The following THSD7A variants were observed in gnomAD, a reference collection of about 807,000 sequenced individuals.
THSD7A encodes the protein thrombospondin type-1 domain-containing protein 7A.
In THSD7A, 96 loss-of-function variants were observed where a neutral mutation model predicts 231.3. The ratio of observed to expected loss-of-function variants is 0.41; its 90% CI spans 0.35 to 0.49. The LOEUF (loss-of-function observed/expected upper bound fraction) is 0.49, where lower values mean the gene tolerates loss of function less well. Among genes scored for constraint, THSD7A ranks in the 20% least tolerant of loss-of-function variants. THSD7A has a pLI of 0.05. For synonymous variants in THSD7A, 940 were observed against 743.3 expected (o/e 1.26, Z -4.30); for missense variants, 2,290 against 2,070.2 (o/e 1.11, Z -2.06).
At chr7:11,747,695 T>C (rs193165093) in intron 1 of THSD7A, among the ~76,000 whole-genome samples, 123 of 152,022 alleles carry the variant, frequency 8.1e-4, no homozygotes, top group African/African-American at 2.8e-3. Flanking sequence ...TGACAGTGCA[T>C]ATGTGCTGCT....
chr7:11,509,837 T>A (rs374596414), intron 6 of THSD7A, among the ~76,000 whole-genome samples: 1,699 of 56,294 alleles, frequency 0.03, 8 homozygotes, highest in Middle Eastern at 0.061. Flanking sequence ...AAAAAAAAAA[T>A]AACATCTGAA....
intron 4 of THSD7A, among the ~76,000 whole-genome samples, chr7:11,572,467 C>T (rs10230574): frequency 0.025 from 3,844 of 152,256 alleles, 165 homozygotes; most frequent in African/African-American, 0.086. Context: ...CATATGTTCA[C>T]TCCCCAAGAC....
At chr7:11,668,531 AAG>A (rs1401722117) in intron 1 of THSD7A, among the ~76,000 whole-genome samples, 1 of 137,470 alleles carries the variant, frequency 7.3e-6, no homozygotes, top group Non-Finnish European at 1.6e-5. Context: ...GAAAGACAGA[AAG>A]AAAGAAAGAG....
chr7:11,506,246 C>G (rs531048482), intron 6 of THSD7A, among the ~76,000 whole-genome samples: 2 of 152,280 alleles, frequency 1.3e-5, no homozygotes, highest in African/African-American at 4.8e-5. Flanking sequence ...CTGCCTCAAC[C>G]TCCTAAAATG....
rs187930824 is a variant in THSD7A, at chr7:11,639,537, C to T, written c.191-2576G>A. ...ACAAAAAATTAGCCAAGCGTGGTGG[C>T]GGGCGCTGTAGTCCTAGCTACTCGG... is the stretch of plus-strand genomic sequence containing the variant. On this transcript the variant is annotated intron_variant, in intron 1 of 27. Transcript: ENST00000423059. Among the ~76,000 whole-genome samples the T allele has an allele frequency of 3.6e-4, 54 of 152,038 alleles. 1 individual carries two copies. The South Asian group carries it at 6.7e-3, about 19-fold the overall frequency.
Position 11,634,041 on chromosome 7 carries a change from A to G in THSD7A, c.1022+2089T>C, listed in dbSNP as rs1781748575. Among the ~76,000 whole-genome samples the G allele has an allele frequency of 6.6e-6, 1 of 152,148 alleles. No homozygotes were observed. Among genetic ancestry groups the G allele is most frequent in the South Asian group, 2.1e-4 (1 of 4,828 alleles). On this transcript the variant is annotated intron_variant, in intron 2 of 27. Coordinates refer to ENST00000423059, the MANE Select transcript of THSD7A (RefSeq NM_015204.3). This position sits in a 1 kb window ranked among gnomAD's most constrained non-coding sequence, Gnocchi z 4.1. ...TTATTGGCTTCACTGATATCATGGT[A>G]TAATATCTGAGCAAAACGTAGGTCA...
chr7:11,710,385 A>G (rs1358315030), intron 1 of THSD7A, among the ~76,000 whole-genome samples: 1 of 150,996 alleles, frequency 6.6e-6, no homozygotes, highest in African/African-American at 2.4e-5. Flanking sequence ...TAGATTCCCA[A>G]TAACTCTGAT....
In THSD7A at chr7:11,814,239, T is replaced by C. The variant is rs1363075643; in HGVS notation, c.190+17518A>G. ...AGTCTGTGGATATGCTAAAAGCCATTGAATTGTATGCTTTAAATGGGTGAT... is the reference window on the plus strand; with the variant it reads ...AGTCTGTGGATATGCTAAAAGCCATCGAATTGTATGCTTTAAATGGGTGAT... On this transcript the variant is annotated intron_variant, in intron 1 of 27. Transcript: ENST00000423059. This position sits in a 1 kb window ranked among gnomAD's most constrained non-coding sequence, Gnocchi z 5.1. Among the ~76,000 whole-genome samples, 1 of 152,178 alleles carries C rather than the reference T, an allele frequency of 6.6e-6. No individual in the cohort carries two copies. Among genetic ancestry groups the C allele is most frequent in the Non-Finnish European group, 1.5e-5 (1 of 68,008 alleles).
intron 1 of THSD7A, among the ~76,000 whole-genome samples, chr7:11,808,025 C>G (rs748358120): frequency 6.6e-6 from 1 of 152,000 alleles, no homozygotes; most frequent in Non-Finnish European, 1.5e-5. Flanking sequence ...CCCAAGTACC[C>G]CAGAGGGCCT....
chr7:11,717,250 C>T (rs1036182464), intron 1 of THSD7A, among the ~76,000 whole-genome samples: 1 of 151,726 alleles, frequency 6.6e-6, no homozygotes, highest in African/African-American at 2.4e-5. Context: ...ACGGCCTCCT[C>T]GCAGAGGCTA....
At chr7:11,652,351 A>G (rs1010812457) in intron 1 of THSD7A, among the ~76,000 whole-genome samples, 4 of 151,956 alleles carry the variant, frequency 2.6e-5, no homozygotes, top group Non-Finnish European at 5.9e-5. Context: ...TTTTGAAAAG[A>G]CTACTGTGAT....
At chr7:11,466,223 C>G (rs185130977) in intron 9 of THSD7A, among the ~76,000 whole-genome samples, 80 of 152,180 alleles carry the variant, frequency 5.3e-4, no homozygotes, top group African/African-American at 1.9e-3. Context: ...AAGAACCACC[C>G]CAACTTTGAA....
chr7:11,584,527 G>A (rs895447036), intron 4 of THSD7A, among the ~76,000 whole-genome samples: 2 of 151,916 alleles, frequency 1.3e-5, no homozygotes, highest in African/African-American at 4.8e-5. Flanking sequence ...CTGTCACATA[G>A]CTTGAATGGG....
chr7:11,691,255 C>T (rs1188805295), intron 1 of THSD7A, among the ~76,000 whole-genome samples: 1 of 151,348 alleles, frequency 6.6e-6, no homozygotes, highest in African/African-American at 2.4e-5. Flanking sequence ...AACTCACAGT[C>T]AACTAGGGAC....
chr7:11,430,642 A>T (rs1784452936), intron 13 of THSD7A, among the ~76,000 whole-genome samples: 1 of 151,726 alleles, frequency 6.6e-6, no homozygotes, highest in Admixed American at 6.6e-5. Context: ...ATTTTCATAT[A>T]TATATATATT....
At chr7:11,599,474 C>T (rs1780478097) in intron 2 of THSD7A, among the ~76,000 whole-genome samples, 3 of 152,172 alleles carry the variant, frequency 2.0e-5, no homozygotes, top group Admixed American at 2.0e-4. Context: ...TTTATGTATA[C>T]ACTTGTACTA....
intron 1 of THSD7A, among the ~76,000 whole-genome samples, chr7:11,703,531 T>C (rs1037660047): frequency 9.9e-5 from 15 of 151,344 alleles, no homozygotes; most frequent in Middle Eastern, 3.4e-3. Context: ...TTAATATTTG[T>C]CTTTATCTTA....
chr7:11,617,500 T>C (rs867496210), intron 2 of THSD7A, among the ~76,000 whole-genome samples: 30 of 152,192 alleles, frequency 2.0e-4, no homozygotes, highest in African/African-American at 6.3e-4. Flanking sequence ...CAAATTCTTA[T>C]TGGAAGTACA....
rs781386843 is a variant in THSD7A at position 11,543,166 on chromosome 7, T to C, written c.1454-49A>G. On this transcript the variant is annotated intron_variant, in intron 4 of 27. Transcript: ENST00000423059. ...TTAAAAAATGAACAAAAGGAACATA[T>C]ATGGCCAACAATATGATTTTTCTGT... 54 of 1,526,346 alleles carry C rather than the reference T, an allele frequency of 3.5e-5. 1 individual carries two copies. The South Asian group carries it at 6.2e-4, about 18-fold the overall frequency. 94.6% of individuals were successfully genotyped at this position (1,526,346 alleles called of 1,614,324 possible). A position where few individuals can be genotyped will look rare whatever the true frequency, so the allele number is the denominator to read the frequency against.
Sources: allele counts gnomAD v4.1 joint callset (sites outside exome capture counted in the v4.1 genomes callset), GRCh38; gene constraint gnomAD v4.1.1; non-coding constraint Gnocchi (gnomAD v3.1); transcripts MANE v1.5; gene names NCBI Gene and HGNC (gene_info 2026-07-23, HGNC 2026-07-21).